TBX15: variants seen among roughly 807,000 people sequenced by gnomAD.
The protein encoded by TBX15 is T-box transcription factor 15.
Under a neutral mutation model 53.9 loss-of-function variants are expected in TBX15, and 18 were observed. That is an observed-to-expected ratio of 0.33 (90% CI 0.23 to 0.49). TBX15 has a LOEUF of 0.49. TBX15 is among the 20% of genes least tolerant of loss of function. The probability of loss-of-function intolerance (pLI) is 0.98; values close to 1 mark genes in which losing one functional copy is unlikely to be tolerated. For synonymous variants in TBX15, 295 were observed against 278.0 expected (o/e 1.06, Z -0.61); for missense variants, 692 against 749.5 (o/e 0.92, Z 0.90).
chr1:118,944,868 C>T (rs1191437084), intron 1 of TBX15, among the ~76,000 whole-genome samples: 1 of 152,184 alleles, frequency 6.6e-6, no homozygotes, highest in East Asian at 1.9e-4. Context: ...CAGGAGATTT[C>T]CTGAGCACCT....
chr1:118,900,666 T>C (rs1654598881), intron 6 of TBX15, among the ~76,000 whole-genome samples: 1 of 152,180 alleles, frequency 6.6e-6, no homozygotes, highest in Admixed American at 6.5e-5. Flanking sequence ...ATAGGAGACA[T>C]CTCCACATAG....
At chr1:118,959,373 T>G (rs1656792396) in intron 1 of TBX15, among the ~76,000 whole-genome samples, 3 of 152,228 alleles carry the variant, frequency 2.0e-5, no homozygotes, top group Non-Finnish European at 4.4e-5. Context: ...TTCTGCCAGG[T>G]GTTCAAGGCT....
At chr1:118,908,718 C>T (rs1041772750) in intron 6 of TBX15, among the ~76,000 whole-genome samples, 13 of 152,062 alleles carry the variant, frequency 8.5e-5, no homozygotes, top group South Asian at 4.1e-4. Context: ...TTCCCCACGA[C>T]GTGAACACAC....
At chr1:118,933,178 C>T (rs992178664) in intron 1 of TBX15, among the ~76,000 whole-genome samples, 7 of 152,130 alleles carry the variant, frequency 4.6e-5, no homozygotes, top group African/African-American at 1.7e-4. Flanking sequence ...CCTTTTGTCA[C>T]TGACTTTTTT....
chr1:118,967,453 G>A lies in TBX15; in HGVS notation c.205+20138C>T, dbSNP rs548146594. On this transcript the variant is annotated intron_variant, in intron 1 of 7. Coordinates refer to ENST00000369429, the MANE Select transcript of TBX15 (RefSeq NM_001330677.2). The stretch of plus-strand genomic sequence containing the variant: ...CAAACAAAATGATTTAAAATGATGT[G>A]TTTGCCACCACTGAGCTAAGATTTT... 5.3e-5 allele frequency among the ~76,000 whole-genome samples: 8 copies of A among 152,230 alleles called. No individual in the cohort carries two copies. In the East Asian group the frequency reaches 1.4e-3, roughly 26 times the overall value.
chr1:118,948,330 T>C (rs1173386353), intron 1 of TBX15, among the ~76,000 whole-genome samples: 1 of 151,734 alleles, frequency 6.6e-6, no homozygotes, highest in African/African-American at 2.4e-5. Context: ...CAGAGGCCAC[T>C]AGGCTGCAGG....
At chr1:118,976,520 G>C (rs1401224306) in intron 1 of TBX15, among the ~76,000 whole-genome samples, 1 of 152,182 alleles carries the variant, frequency 6.6e-6, no homozygotes, top group South Asian at 2.1e-4. Flanking sequence ...ACTAACCAAA[G>C]AGAAACATGC....
intron 6 of TBX15, among the ~76,000 whole-genome samples, chr1:118,911,393 A>G (rs1655022098): frequency 6.6e-6 from 1 of 152,122 alleles, no homozygotes; most frequent in Non-Finnish European, 1.5e-5. Flanking sequence ...GGATTAACGA[A>G]GATCCATAGT....
At chr1:118,908,808 G>GCA (rs367727595) in intron 6 of TBX15, among the ~76,000 whole-genome samples, 3 of 148,606 alleles carry the variant, frequency 2.0e-5, no homozygotes, top group Non-Finnish European at 3.0e-5. Context: ...ACTTATACTT[G>GCA]CACACACACA....
At chr1:118,923,710 T>C in intron 4 of TBX15, 107 bp from the exon 5 acceptor site, 2 of 1,343,646 alleles carry the variant, frequency 1.5e-6, no homozygotes, top group Non-Finnish European at 1.1e-6. Flanking sequence ...AAAGCACAGA[T>C]TGGAGGTGAG....
chr1:118,918,608 A>G (rs536639473), intron 5 of TBX15, among the ~76,000 whole-genome samples: 1 of 152,290 alleles, frequency 6.6e-6, no homozygotes, highest in East Asian at 1.9e-4. Flanking sequence ...GAGGTTGTAA[A>G]AGCATTTTAC....
chr1:118,914,106 G>A lies in TBX15; in HGVS notation c.926+9C>T. 6.2e-7 allele frequency: 1 copy of A among 1,613,608 alleles called. No individual in the cohort carries two copies. On this transcript the variant is annotated intron_variant, in intron 6 of 7. Coordinates refer to ENST00000369429, the MANE Select transcript of TBX15 (RefSeq NM_001330677.2). ...AGAAAAGAAGTGCCTCTTCCCCAGTGATTCTTACCTGTTTCTCCCAGAATC... is the reference window on the plus strand; with the variant it reads ...AGAAAAGAAGTGCCTCTTCCCCAGTAATTCTTACCTGTTTCTCCCAGAATC...
At chr1:118,982,807 CCCTT>C (rs1571222574) in intron 1 of TBX15, among the ~76,000 whole-genome samples, 1 of 152,200 alleles carries the variant, frequency 6.6e-6, no homozygotes. Flanking sequence ...ATTTAATTCT[CCCTT>C]CCTCCCTGCA....
chr1:118,885,122 G>A lies in TBX15; in HGVS notation c.1419C>T (p.Pro473=), dbSNP rs563975813. The A allele has an allele frequency of 6.2e-7, 1 of 1,614,208 alleles. No homozygotes were observed. Among genetic ancestry groups the A allele is most frequent in the South Asian group, 1.1e-5 (1 of 91,084 alleles). The change falls in exon 8 of 8, where the codon CCC becomes CCT. Residue 473 remains proline (P), a synonymous_variant. Transcript: ENST00000369429. ...EAYGGQLGSF[P]TSQFQYVMQA... is the part of the protein sequence containing the mutation. Reference sequence around the variant, plus strand: ...GCATGACATACTGAAACTGGGAAGTGGGAAAGGACCCCAGCTGGCCACCGT... The same window carrying A: ...GCATGACATACTGAAACTGGGAAGTAGGAAAGGACCCCAGCTGGCCACCGT...
At chr1:118,903,782 C>T (rs898581053) in intron 6 of TBX15, among the ~76,000 whole-genome samples, 9 of 152,124 alleles carry the variant, frequency 5.9e-5, no homozygotes, top group Admixed American at 5.2e-4. Context: ...GGTCTCTACC[C>T]TTTATGACTG....
chr1:118,953,212 C>T (rs1656575612), intron 1 of TBX15, among the ~76,000 whole-genome samples: 1 of 152,234 alleles, frequency 6.6e-6, no homozygotes, highest in African/African-American at 2.4e-5. Context: ...ACCTAACCCT[C>T]ATAAATGAGT....
At chr1:118,939,728 A>G (rs568031717) in intron 1 of TBX15, among the ~76,000 whole-genome samples, 1 of 151,898 alleles carries the variant, frequency 6.6e-6, no homozygotes, top group Non-Finnish European at 1.5e-5. Context: ...AATTTCAAGT[A>G]TAAGGTGAAA....
intron 1 of TBX15, among the ~76,000 whole-genome samples, chr1:118,964,768 G>C (rs1656989209): frequency 6.6e-6 from 1 of 152,246 alleles, no homozygotes; most frequent in Non-Finnish European, 1.5e-5. Flanking sequence ...GCTTATAGCT[G>C]CTTGCAGCCA....
At chr1:118,924,030 G>A (rs1341271889) in intron 4 of TBX15, among the ~76,000 whole-genome samples, 1 of 152,142 alleles carries the variant, frequency 6.6e-6, no homozygotes, top group Non-Finnish European at 1.5e-5. Flanking sequence ...TTTGTTATGT[G>A]AGAGTAAATG....
Sources: allele counts gnomAD v4.1 joint callset (sites outside exome capture counted in the v4.1 genomes callset), GRCh38; gene constraint gnomAD v4.1.1; transcripts MANE v1.5; gene names NCBI Gene and HGNC (gene_info 2026-07-23, HGNC 2026-07-21).